Variants in SECISBP2L observed in about 807,000 individuals in gnomAD.
The protein encoded by SECISBP2L is selenocysteine insertion sequence-binding protein 2-like.
SECISBP2L carries 43 observed loss-of-function variants against 114.7 expected under a neutral mutation model. That is an observed-to-expected ratio of 0.38 (90% CI 0.29 to 0.48). The LOEUF (loss-of-function observed/expected upper bound fraction) is 0.48. Ranked by LOEUF, SECISBP2L falls within the 20% of genes least tolerant of loss-of-function variation. The pLI is 0.98. For missense variants in SECISBP2L, 1,136 were observed against 1,301.1 expected (o/e 0.87, Z 1.95); for synonymous variants, 451 against 439.7 (o/e 1.03, Z -0.32).
At position 48,996,406 on chromosome 15, in the gene SECISBP2L, T is replaced by C. The variant is rs774788718; in HGVS notation, c.2584A>G (p.Ile862Val). Reference protein sequence around the residue: ...AASAISFCSVISEPISEVNEK... With the variant: ...AASAISFCSVVSEPISEVNEK... ...TTTACTTCAGAGATCGGTTCAGAAATAACACTGCAGAAAGAAATGGCACTT... is the reference window on the plus strand; with the variant it reads ...TTTACTTCAGAGATCGGTTCAGAAACAACACTGCAGAAAGAAATGGCACTT... The change falls in exon 17 of 18, where the codon ATT (isoleucine) becomes GTT (valine). Residue 862 changes from isoleucine (I) to valine (V), a missense_variant. By Grantham distance (29) the Ile-to-Val change is conservative (BLOSUM62 3). This residue lies in a region of SECISBP2L where 684 missense variants were observed against 848.7 expected (regional missense o/e 0.81). Coordinates refer to ENST00000559471, the MANE Select transcript of SECISBP2L (RefSeq NM_001193489.2). 6.2e-7 allele frequency: 1 copy of C among 1,614,108 alleles called. No homozygotes were observed. Among genetic ancestry groups the C allele is most frequent in the South Asian group, 1.1e-5 (1 of 91,084 alleles).
intron 17 of SECISBP2L, among the ~76,000 whole-genome samples, chr15:48,993,501 AC>A (rs1324231009): frequency 6.6e-6 from 1 of 152,136 alleles, no homozygotes; most frequent in African/African-American, 2.4e-5. Context: ...GGGCTCAAGG[AC>A]CCACAACCCA....
At chr15:49,000,855 T>G (rs1031213304) in intron 15 of SECISBP2L, 22 bp downstream of exon 15, 1 of 1,597,704 alleles carries the variant, frequency 6.3e-7, no homozygotes, top group African/African-American at 1.3e-5. Flanking sequence ...ATCAAAACAC[T>G]TCAAAAGCAA....
intron 1 of SECISBP2L, 78 bp from the exon 2 acceptor site, chr15:49,037,847 A>G: frequency 8.0e-7 from 1 of 1,254,762 alleles, no homozygotes; most frequent in Non-Finnish European, 1.1e-6. Flanking sequence ...ACAACAGAAG[A>G]GTCAGTCCTT....
At chr15:49,035,905 T>A (rs1296736873) in intron 2 of SECISBP2L, among the ~76,000 whole-genome samples, 1 of 152,220 alleles carries the variant, frequency 6.6e-6, no homozygotes, top group African/African-American at 2.4e-5. Flanking sequence ...GTATTCCACA[T>A]ACCAGCATTG....
At chr15:49,041,780 T>C (rs1473502563) in intron 1 of SECISBP2L, among the ~76,000 whole-genome samples, 2 of 152,326 alleles carry the variant, frequency 1.3e-5, no homozygotes, top group East Asian at 3.9e-4. Context: ...CTTTCTATGT[T>C]AAGGTAAAAA....
intron 7 of SECISBP2L, among the ~76,000 whole-genome samples, chr15:49,027,147 C>T (rs1042708829): frequency 1.3e-5 from 2 of 152,094 alleles, no homozygotes. Context: ...TTTAAATATA[C>T]AGAAATGTAG....
intron 11 of SECISBP2L, among the ~76,000 whole-genome samples, chr15:49,014,152 T>C (rs1007780484): frequency 1.3e-5 from 2 of 152,216 alleles, no homozygotes; most frequent in Non-Finnish European, 2.9e-5. Context: ...AATACAATTC[T>C]CTGACTCTTC....
At chr15:48,993,091 C>CAGAGAGAGAG (rs140847057) in intron 17 of SECISBP2L, among the ~76,000 whole-genome samples, 165 bp from the exon 18 acceptor site, 4 of 140,976 alleles carry the variant, frequency 2.8e-5, no homozygotes, top group African/African-American at 5.5e-5. Flanking sequence ...TAGTTTGAGA[C>CAGAGAGAGAG]AGAGAGAGAG....
At chr15:49,041,532 GA>G (rs773214541) in intron 1 of SECISBP2L, among the ~76,000 whole-genome samples, 2 of 152,174 alleles carry the variant, frequency 1.3e-5, no homozygotes, top group Non-Finnish European at 2.9e-5. Flanking sequence ...CTGGGTTAGG[GA>G]AAATGGGCAA....
chr15:49,030,982 T>G (rs775114083), intron 4 of SECISBP2L, among the ~76,000 whole-genome samples: 1 of 152,030 alleles, frequency 6.6e-6, no homozygotes, highest in Non-Finnish European at 1.5e-5. Flanking sequence ...CAAAATCACT[T>G]TGAACATGAT....
chr15:49,038,246 A>G (rs1437644261), intron 1 of SECISBP2L, among the ~76,000 whole-genome samples: 4 of 152,148 alleles, frequency 2.6e-5, no homozygotes, highest in Non-Finnish European at 4.4e-5. Context: ...AAAAGAAAAA[A>G]TGTCTAAGAT....
intron 16 of SECISBP2L, 22 bp downstream of exon 16, chr15:48,999,809 AGT>A (rs772010215): frequency 6.2e-6 from 10 of 1,609,334 alleles, no homozygotes; most frequent in Non-Finnish European, 7.7e-6. Flanking sequence ...GGAGAGCAAG[AGT>A]GTGTGTCTTC....
intron 14 of SECISBP2L, among the ~76,000 whole-genome samples, chr15:49,006,341 T>C (rs1381554075): frequency 6.6e-6 from 1 of 152,188 alleles, no homozygotes; most frequent in African/African-American, 2.4e-5. Flanking sequence ...CTGAAGAGTG[T>C]TTTCCAACTT....
chr15:49,032,323 G>A (rs185841549), intron 4 of SECISBP2L, among the ~76,000 whole-genome samples: 297 of 152,272 alleles, frequency 2.0e-3, no homozygotes, highest in African/African-American at 7.0e-3. Context: ...TTTCTGTACT[G>A]AGATCAAAGA....
chr15:49,011,618 G>A (rs1186813670), intron 13 of SECISBP2L, 113 bp downstream of exon 13: 1 of 1,237,134 alleles, frequency 8.1e-7, no homozygotes, highest in Non-Finnish European at 1.1e-6. Flanking sequence ...AGAGATTTAT[G>A]TAAAATATGG....
chr15:48,998,512 GA>G (rs1902141223), intron 16 of SECISBP2L, among the ~76,000 whole-genome samples: 1 of 152,090 alleles, frequency 6.6e-6, no homozygotes, highest in South Asian at 2.1e-4. Context: ...TATGCAAATG[GA>G]TATGTGAGTT....
intron 3 of SECISBP2L, 141 bp downstream of exon 3, chr15:49,035,193 A>G (rs1425021730): frequency 7.3e-6 from 5 of 680,560 alleles, no homozygotes; most frequent in African/African-American, 3.6e-5. Flanking sequence ...TAAGAATTAC[A>G]TACCCTTTAC....
chr15:49,027,492 G>GA lies in SECISBP2L; in HGVS notation c.920-13dup. 6.8e-7 allele frequency: 1 copy of GA among 1,469,952 alleles called. No homozygotes were observed. The highest frequency in any genetic ancestry group is 1.4e-5 in the African/African-American group (1 of 72,094). The allele number at this position is 1,469,952 out of a possible 1,614,324, so 91.1% of individuals were successfully genotyped here. ...CCAATTTACACCACCTATAACAAAT[G>GA]AAATTTTAAATTATAATTTACTTAT... On this transcript the variant is annotated splice_polypyrimidine_tract_variant and intron_variant, in intron 6 of 17. Transcript: ENST00000559471.
intron 1 of SECISBP2L, 93 bp downstream of exon 1, chr15:49,046,183 C>A: frequency 7.0e-7 from 1 of 1,433,664 alleles, no homozygotes; most frequent in Non-Finnish European, 9.4e-7. Context: ...CAGGACCGGC[C>A]CCCGGTCCCC....
Sources: gnomAD v4.1 joint callset for allele counts (sites outside exome capture counted in the v4.1 genomes callset) on GRCh38, gnomAD v4.1.1 for gene constraint, gnomAD v4.1.1 regional missense constraint, MANE v1.5 for transcripts, NCBI Gene and HGNC (gene_info 2026-07-23, HGNC 2026-07-21) for gene names.